PCDH7: variants seen among roughly 807,000 people sequenced by gnomAD.
PCDH7 encodes the protein protocadherin-7.
PCDH7 carries 17 observed loss-of-function variants against 58.9 expected under a neutral mutation model. The ratio of observed to expected loss-of-function variants is 0.29; its 90% CI spans 0.20 to 0.43. PCDH7 has a LOEUF of 0.43. PCDH7 is among the 20% of genes least tolerant of loss of function. PCDH7 has a pLI of 1.00. For synonymous variants in PCDH7, 664 were observed against 616.4 expected (o/e 1.08, Z -1.14); for missense variants, 1,274 against 1,441.0 (o/e 0.88, Z 1.88).
chr4:30,722,938 G>C lies in PCDH7; in HGVS notation c.1516G>C (p.Val506Leu), dbSNP rs1045101561. The C allele has an allele frequency of 5.0e-6, 8 of 1,613,596 alleles. No individual in the cohort carries two copies. Among genetic ancestry groups the C allele is most frequent in the Non-Finnish European group, 5.9e-6 (7 of 1,180,024 alleles). Residue 506 changes from valine (V) to leucine (L), a missense_variant, in exon 1 of 2, where the codon GTG (valine) becomes CTG (leucine). Val to Leu is a conservative substitution (Grantham distance 32, BLOSUM62 1). Transcript: ENST00000361762. The surrounding 1 kb of genome is among the most constrained non-coding windows in gnomAD (Gnocchi z 7.6). ...CACCCGGGAGTTCAACGTGGTCATC[G>C]TGGCGGTGGACTCAGGCAGCCCCAG...
intron 3 of PCDH7, among the ~76,000 whole-genome samples, chr4:30,958,406 A>G (rs1017376575): frequency 2.0e-5 from 3 of 152,170 alleles, no homozygotes; most frequent in African/African-American, 4.8e-5. Context: ...TGTTGCCTCA[A>G]TGGTGTTATA....
At chr4:30,730,911 T>C in exon 2 of PCDH7, 1 of 1,364,450 alleles carries the variant, frequency 7.3e-7, no homozygotes, top group Non-Finnish European at 9.5e-7. Flanking sequence ...CCACTTGTTG[T>C]ACATTTTATT....
chr4:31,007,048 T>C (rs1752823208), intron 3 of PCDH7, among the ~76,000 whole-genome samples: 1 of 152,162 alleles, frequency 6.6e-6, no homozygotes, highest in African/African-American at 2.4e-5. Context: ...GGAATAAGTT[T>C]AGGGAAGCCT....
intron 1 of PCDH7, among the ~76,000 whole-genome samples, chr4:30,917,516 T>A (rs2109412050): frequency 6.6e-6 from 1 of 152,176 alleles, no homozygotes; most frequent in South Asian, 2.1e-4. Flanking sequence ...ATATTTATTG[T>A]GAGTTATGTT....
chr4:31,096,221 G>A lies in PCDH7; in HGVS notation c.*8-46252G>A, dbSNP rs370715900. 7.4e-4 allele frequency among the ~76,000 whole-genome samples: 113 copies of A among 152,184 alleles called. 1 individual carries two copies. The highest frequency in any genetic ancestry group is 2.6e-3 in the African/African-American group (109 of 41,510). On this transcript the variant is annotated intron_variant, in intron 3 of 3. Coordinates refer to the PCDH7 transcript ENST00000509759. ...ACGAGAAATTTGGGGGAAGTTAGACGGAACTGTTTCTGGTCTTTAGAATAG... is the reference window on the plus strand; with the variant it reads ...ACGAGAAATTTGGGGGAAGTTAGACAGAACTGTTTCTGGTCTTTAGAATAG...
At chr4:30,971,517 C>T (rs1749580421) in intron 3 of PCDH7, among the ~76,000 whole-genome samples, 1 of 152,174 alleles carries the variant, frequency 6.6e-6, no homozygotes, top group Non-Finnish European at 1.5e-5. Flanking sequence ...AGTCCTCAAG[C>T]CATCTGCATC....
intron 3 of PCDH7, among the ~76,000 whole-genome samples, chr4:31,138,898 C>T (rs540428781): frequency 5.9e-5 from 9 of 151,570 alleles, no homozygotes; most frequent in African/African-American, 2.2e-4. Context: ...ATCGCTTGAG[C>T]CTGAGAGGCA....
At chr4:30,818,876 G>A (rs114585359) in intron 1 of PCDH7, among the ~76,000 whole-genome samples, 352 of 152,212 alleles carry the variant, frequency 2.3e-3, no homozygotes, top group African/African-American at 8.2e-3. Context: ...GGGCTCAAAA[G>A]AGAGGTTTTC....
At chr4:30,889,707 A>G (rs1047559837) in intron 1 of PCDH7, among the ~76,000 whole-genome samples, 18 of 152,272 alleles carry the variant, frequency 1.2e-4, no homozygotes, top group Admixed American at 9.2e-4. Flanking sequence ...CTGTGGTCTC[A>G]TATGGTGTAA....
chr4:30,939,638 T>A (rs1282700000), intron 2 of PCDH7, among the ~76,000 whole-genome samples: 1 of 152,122 alleles, frequency 6.6e-6, no homozygotes, highest in Non-Finnish European at 1.5e-5. Context: ...ATCTGATGAT[T>A]TGTCAAATTT....
At chr4:30,752,226 G>C (rs555908434) in intron 1 of PCDH7, among the ~76,000 whole-genome samples, 2 of 151,924 alleles carry the variant, frequency 1.3e-5, no homozygotes, top group Non-Finnish European at 2.9e-5. Flanking sequence ...TTCCGCCTGC[G>C]GGTTCAAGCG....
chr4:31,038,776 T>A (rs1476655247), intron 3 of PCDH7, among the ~76,000 whole-genome samples: 1 of 152,178 alleles, frequency 6.6e-6, no homozygotes, highest in Non-Finnish European at 1.5e-5. Flanking sequence ...CTTCTATTGA[T>A]GGACATTAGA....
At chr4:31,083,988 T>C (rs1004649602) in intron 3 of PCDH7, among the ~76,000 whole-genome samples, 1 of 152,358 alleles carries the variant, frequency 6.6e-6, no homozygotes, top group African/African-American at 2.4e-5. Context: ...ATTTATTAAA[T>C]ATCATGTGTT....
intron 1 of PCDH7, among the ~76,000 whole-genome samples, chr4:30,841,230 A>C (rs1220228778): frequency 6.6e-6 from 1 of 152,130 alleles, no homozygotes; most frequent in African/African-American, 2.4e-5. Flanking sequence ...AGTCACAAAG[A>C]AAGACAATGA....
chr4:30,971,911 T>G (rs1749625514), intron 3 of PCDH7, among the ~76,000 whole-genome samples: 1 of 152,114 alleles, frequency 6.6e-6, no homozygotes, highest in Non-Finnish European at 1.5e-5. Flanking sequence ...GCATGAGCGG[T>G]GATTATACCA....
chr4:30,785,914 T>C (rs947710679), intron 1 of PCDH7, among the ~76,000 whole-genome samples: 1 of 152,038 alleles, frequency 6.6e-6, no homozygotes, highest in South Asian at 2.1e-4. Flanking sequence ...CTAACATCAA[T>C]TGTACCACCA....
At chr4:30,890,784 A>G (rs886829294) in intron 1 of PCDH7, among the ~76,000 whole-genome samples, 9 of 152,092 alleles carry the variant, frequency 5.9e-5, no homozygotes, top group Non-Finnish European at 8.8e-5. Context: ...TTCTAAGGGT[A>G]TATTTAAAAC....
chr4:30,851,343 ATAAGT>A (rs1284201987), intron 1 of PCDH7, among the ~76,000 whole-genome samples: 11 of 152,058 alleles, frequency 7.2e-5, no homozygotes, highest in African/African-American at 2.7e-4. Context: ...GGGAAAAATT[ATAAGT>A]TAAGTGCTAG....
At position 30,955,876 on chromosome 4, in the gene PCDH7, A is replaced by T. The variant is rs144390409; in HGVS notation, c.*7+5661A>T. The stretch of plus-strand genomic sequence containing the variant: ...GGCCATTGTTAAAGGACCTCATAAG[A>T]TAGCAAGTTAGATAAAATGAATTAC... On this transcript the variant is annotated intron_variant, in intron 3 of 3. Coordinates refer to the PCDH7 transcript ENST00000509759. Among the ~76,000 whole-genome samples, 405 of 151,940 alleles carry T rather than the reference A, an allele frequency of 2.7e-3. 2 individuals are homozygous for T. The highest frequency in any genetic ancestry group is 9.3e-3 in the African/African-American group (384 of 41,500).
Sources: allele counts gnomAD v4.1 joint callset (sites outside exome capture counted in the v4.1 genomes callset), GRCh38; gene constraint gnomAD v4.1.1; non-coding constraint Gnocchi (gnomAD v3.1); transcripts MANE v1.5; gene names NCBI Gene and HGNC (gene_info 2026-07-23, HGNC 2026-07-21).